The following XKR4 variants were observed in gnomAD, a reference collection of about 807,000 sequenced individuals.
The protein encoded by XKR4 is XK-related protein 4.
Under a neutral mutation model 53.9 loss-of-function variants are expected in XKR4, and 12 were observed. The ratio of observed to expected loss-of-function variants is 0.22; its 90% CI spans 0.14 to 0.36. The LOEUF (loss-of-function observed/expected upper bound fraction) is 0.36, where lower values mean the gene tolerates loss of function less well. Among genes scored for constraint, XKR4 ranks in the 10% least tolerant of loss-of-function variants. The probability of loss-of-function intolerance (pLI) is 1.00; values close to 1 mark genes in which losing one functional copy is unlikely to be tolerated. For missense variants in XKR4, 799 were observed against 859.5 expected, an observed-to-expected ratio of 0.93 and a Z score of 0.88; for synonymous variants, 354 against 362.4, an observed-to-expected ratio of 0.98 and a Z score of 0.26.
At chr8:55,154,344 C>T (rs996913467) in intron 1 of XKR4, among the ~76,000 whole-genome samples, 6 of 152,132 alleles carry the variant, frequency 3.9e-5, no homozygotes, top group Admixed American at 1.3e-4. Flanking sequence ...AGGCTCACAT[C>T]GTTCTTGTGT....
At chr8:55,206,009 A>G (rs1013454080) in intron 1 of XKR4, among the ~76,000 whole-genome samples, 5 of 152,072 alleles carry the variant, frequency 3.3e-5, no homozygotes, top group African/African-American at 1.2e-4. Context: ...TACAGCTCTT[A>G]AAGGTGGCGC....
At chr8:55,337,277 A>G (rs1803475854) in intron 1 of XKR4, among the ~76,000 whole-genome samples, 1 of 152,216 alleles carries the variant, frequency 6.6e-6, no homozygotes, top group African/African-American at 2.4e-5. Flanking sequence ...CTGGAACCCA[A>G]GCTGGACCCT....
At position 55,171,473 on chromosome 8, in the gene XKR4, A is replaced by G. The variant is rs896701167; in HGVS notation, c.806+68179A>G. ...TACAACATGGATATGGCAGGTCTTCATACGTCTCCGTGTCATTTTACCTGG... is the reference window on the plus strand; with the variant it reads ...TACAACATGGATATGGCAGGTCTTCGTACGTCTCCGTGTCATTTTACCTGG... On this transcript the variant is annotated intron_variant, in intron 1 of 2. Coordinates refer to ENST00000327381, the MANE Select transcript of XKR4 (RefSeq NM_052898.2). Among the ~76,000 whole-genome samples, 49 of 152,180 alleles carry G rather than the reference A, an allele frequency of 3.2e-4. 1 individual carries two copies. Among genetic ancestry groups the G allele is most frequent in the Non-Finnish European group, 7.4e-5 (5 of 68,000 alleles).
intron 1 of XKR4, among the ~76,000 whole-genome samples, chr8:55,273,422 ACCT>A: frequency 6.6e-6 from 1 of 152,114 alleles, no homozygotes; most frequent in East Asian, 1.9e-4. Flanking sequence ...CCCAAAGCAG[ACCT>A]CCTTCTTGCC....
At chr8:55,145,013 G>C (rs1281865313) in intron 1 of XKR4, among the ~76,000 whole-genome samples, 1 of 151,788 alleles carries the variant, frequency 6.6e-6, no homozygotes, top group East Asian at 1.9e-4. Flanking sequence ...TGTATTTTTA[G>C]TAGAAACAGA....
At chr8:55,286,176 T>C (rs972485953) in intron 1 of XKR4, among the ~76,000 whole-genome samples, 1 of 152,108 alleles carries the variant, frequency 6.6e-6, no homozygotes, top group Non-Finnish European at 1.5e-5. Flanking sequence ...AAATGACAAT[T>C]GTGAAATGAG....
chr8:55,485,235 A>G (rs1260837912), intron 2 of XKR4, among the ~76,000 whole-genome samples: 4 of 152,214 alleles, frequency 2.6e-5, no homozygotes, highest in Non-Finnish European at 4.4e-5. Flanking sequence ...GTTATTCAAC[A>G]TACTACTGGA....
chr8:55,443,712 G>A (rs141930627), intron 2 of XKR4, among the ~76,000 whole-genome samples: 2,292 of 151,308 alleles, frequency 0.015, 56 homozygotes, highest in African/African-American at 0.053. Context: ...ATGGTGGCCT[G>A]TGCCTGTAGT....
chr8:55,393,719 C>A (rs947753344), intron 2 of XKR4, among the ~76,000 whole-genome samples: 2 of 152,184 alleles, frequency 1.3e-5, no homozygotes, highest in Non-Finnish European at 2.9e-5. Flanking sequence ...AAGCTGGCTA[C>A]TAGTTTCAGC....
chr8:55,136,649 A>T (rs1816635114), intron 1 of XKR4, among the ~76,000 whole-genome samples: 1 of 152,226 alleles, frequency 6.6e-6, no homozygotes. Context: ...TTGCTCCCTA[A>T]TAACAAATGA....
chr8:55,345,607 G>GA (rs1242364294), intron 1 of XKR4, among the ~76,000 whole-genome samples: 20 of 152,296 alleles, frequency 1.3e-4, no homozygotes, highest in African/African-American at 4.6e-4. Context: ...GCTTAAAAAG[G>GA]AAAAAGTGGT....
chr8:55,125,319 C>T (rs1816449799), intron 1 of XKR4, among the ~76,000 whole-genome samples: 2 of 82,374 alleles, frequency 2.4e-5, no homozygotes, highest in African/African-American at 9.9e-5. Flanking sequence ...CAAACTCCGC[C>T]TCCTGGGTTC....
intron 2 of XKR4, among the ~76,000 whole-genome samples, chr8:55,462,600 A>C (rs1805679868): frequency 6.6e-6 from 1 of 152,176 alleles, no homozygotes; most frequent in Non-Finnish European, 1.5e-5. Context: ...CATCATAATG[A>C]CGGGATCAAA....
chr8:55,513,495 A>G (rs1806660797), intron 2 of XKR4, among the ~76,000 whole-genome samples: 1 of 152,184 alleles, frequency 6.6e-6, no homozygotes, highest in South Asian at 2.1e-4. Context: ...ACCAGCCTGA[A>G]CCTATCATGC....
chr8:55,138,626 G>A (rs751050434), intron 1 of XKR4, among the ~76,000 whole-genome samples: 161 of 152,144 alleles, frequency 1.1e-3, no homozygotes, highest in Non-Finnish European at 2.0e-3. Flanking sequence ...AAAGGTAACT[G>A]TCAATTTGTG....
Position 55,408,427 on chromosome 8 carries a change from C to G in XKR4, c.1006+50550C>G, listed in dbSNP as rs115136950. ...AGTTAAGAGTCCTGGCTTCACTACT[C>G]AATAATTCTGTATCATATCTCAAGA... On this transcript the variant is annotated intron_variant, in intron 2 of 2. Coordinates refer to ENST00000327381, the MANE Select transcript of XKR4 (RefSeq NM_052898.2). 9.1e-3 allele frequency among the ~76,000 whole-genome samples: 1,379 copies of G among 152,264 alleles called. 22 individuals carry two copies. The highest frequency in any genetic ancestry group is 0.032 in the African/African-American group (1,312 of 41,542).
chr8:55,188,446 C>T (rs993219118), intron 1 of XKR4, among the ~76,000 whole-genome samples: 1 of 152,146 alleles, frequency 6.6e-6, no homozygotes, highest in Non-Finnish European at 1.5e-5. Context: ...AATCCTTAGT[C>T]ATTAAAAGAA....
At chr8:55,375,313 C>A (rs1185753954) in intron 2 of XKR4, among the ~76,000 whole-genome samples, 1 of 152,238 alleles carries the variant, frequency 6.6e-6, no homozygotes, top group Non-Finnish European at 1.5e-5. Context: ...CTCTGGCCTC[C>A]TCCTTGCCTG....
chr8:55,497,176 T>C (rs1313390383), intron 2 of XKR4, among the ~76,000 whole-genome samples: 2 of 152,252 alleles, frequency 1.3e-5, no homozygotes, highest in African/African-American at 4.8e-5. Flanking sequence ...CAGATGTCTA[T>C]TTAACAAACT....
Sources: gnomAD v4.1 joint callset for allele counts (sites outside exome capture counted in the v4.1 genomes callset) on GRCh38, gnomAD v4.1.1 for gene constraint, MANE v1.5 for transcripts, NCBI Gene and HGNC (gene_info 2026-07-23, HGNC 2026-07-21) for gene names.